Variants in RHOU observed in about 807,000 individuals in gnomAD.
The protein encoded by RHOU is rho-related GTP-binding protein RhoU.
Under a neutral mutation model 12.6 loss-of-function variants are expected in RHOU, and 8 were observed. The observed-to-expected ratio is 0.64, with a 90% confidence interval of 0.37 to 1.15. The LOEUF is 1.15. Among genes scored for constraint, RHOU ranks in the 50% most tolerant of loss-of-function variants. The pLI, the probability that RHOU is intolerant of heterozygous loss-of-function variation, is 0.01. For missense variants in RHOU, 258 were observed against 347.0 expected, an observed-to-expected ratio of 0.74 and a Z score of 2.04; for synonymous variants, 161 against 147.4, an observed-to-expected ratio of 1.09 and a Z score of -0.67.
At chr1:228,657,279 C>CAAAAAAAAAAAAAAAAAAAAAAAGAA in the RHOU span, among the ~76,000 whole-genome samples, 7 of 28,034 alleles carry the variant, frequency 2.5e-4, no homozygotes, top group African/African-American at 8.6e-4. Context: ...AACTCCATCT[C>CAAAAAAAAAAAAAAAAAAAAAAAGAA]AAAAAAAAAA....
At chr1:228,697,445 G>A in the RHOU span, among the ~76,000 whole-genome samples, 2 of 152,220 alleles carry the variant, frequency 1.3e-5, no homozygotes, top group Non-Finnish European at 1.5e-5. Context: ...AGCGTTTCCA[G>A]CATCTGCTTG....
At chr1:228,646,826 A>T in the RHOU span, among the ~76,000 whole-genome samples, 2 of 152,072 alleles carry the variant, frequency 1.3e-5, no homozygotes, top group East Asian at 2.0e-4. Context: ...ACGGTGAAAC[A>T]CAGACACACA....
the RHOU span, among the ~76,000 whole-genome samples, chr1:228,659,840 C>T: frequency 4.0e-5 from 6 of 148,812 alleles, no homozygotes; most frequent in African/African-American, 9.9e-5. Flanking sequence ...AAAACGTAGC[C>T]GGGTGTGGTG....
the RHOU span, among the ~76,000 whole-genome samples, chr1:228,680,295 G>C: frequency 1.2e-4 from 18 of 152,134 alleles, no homozygotes; most frequent in African/African-American, 4.3e-4. Flanking sequence ...AATGTGAGTC[G>C]GACAGTCTGA....
the RHOU span, among the ~76,000 whole-genome samples, chr1:228,693,053 C>T: frequency 6.6e-6 from 1 of 152,070 alleles, no homozygotes; most frequent in East Asian, 1.9e-4. Context: ...CAACAAGGGC[C>T]TTTTCAAAGG....
the RHOU span, among the ~76,000 whole-genome samples, chr1:228,674,420 C>G: frequency 6.7e-6 from 1 of 149,790 alleles, no homozygotes; most frequent in Non-Finnish European, 1.5e-5. Flanking sequence ...AATTTCGGCT[C>G]ACTGCAACCT....
chr1:228,655,070 A>C, the RHOU span, among the ~76,000 whole-genome samples: 1 of 151,276 alleles, frequency 6.6e-6, no homozygotes. Context: ...CAAAATCATT[A>C]TGTAAACTGG....
At chr1:228,694,047 G>GT in the RHOU span, among the ~76,000 whole-genome samples, 6 of 151,872 alleles carry the variant, frequency 4.0e-5, no homozygotes, top group South Asian at 2.1e-4. Context: ...GCAGTTCAGT[G>GT]TTTTTTTTCC....
rs1662825210 is a variant in RHOU at position 228,745,897 on chromosome 1, AAG to A, written c.*2159_*2160del. 6.6e-6 allele frequency: 1 copy of A among 152,256 alleles called. No individual in the cohort carries two copies. The highest frequency in any genetic ancestry group is 1.5e-5 in the Non-Finnish European group (1 of 68,050). The allele number at this position is 152,256 out of a possible 1,614,324, so 9.4% of individuals were successfully genotyped here. ...TTTTAAGATAGAACACAAAACTTGA[AAG>A]AAGTTTTATGCGTGTGACAGTGTAT... On this transcript the variant is annotated 3_prime_UTR_variant, in exon 3 of 3. Transcript: ENST00000366691.
chr1:228,743,313 GC>G lies in RHOU; in HGVS notation c.351del (p.Tyr118ThrfsTer14). The G allele has an allele frequency of 6.2e-7, 1 of 1,614,152 alleles. No homozygotes were observed. Among genetic ancestry groups the G allele is most frequent in the Non-Finnish European group, 8.5e-7 (1 of 1,180,000 alleles). On this transcript the variant is annotated frameshift_variant, in exon 3 of 3. Coordinates refer to ENST00000366691, the MANE Select transcript of RHOU (RefSeq NM_021205.6). LOFTEE classifies it high-confidence loss of function. This position sits in a 1 kb window ranked among gnomAD's most constrained non-coding sequence, Gnocchi z 5.1. The stretch of plus-strand genomic sequence containing the variant: ...GAATTTGACAAGCTGAGGCCTCTCT[GC>G]TACACCAACACAGACATCTTCCTGC... ...QDEFDKLRPL[C>X]YTNTDIFLLC...
the RHOU span, among the ~76,000 whole-genome samples, chr1:228,664,043 TTCTTA>T: frequency 7.6e-6 from 1 of 130,750 alleles, no homozygotes; most frequent in Non-Finnish European, 1.6e-5. Context: ...TTCTCTTCTT[TTCTTA>T]TCTTCTGTCG....
chr1:228,665,654 C>G, the RHOU span, among the ~76,000 whole-genome samples: 1 of 152,278 alleles, frequency 6.6e-6, no homozygotes, highest in East Asian at 1.9e-4. Flanking sequence ...TGAGAACCTG[C>G]AGTTCTGATG....
chr1:228,648,204 C>T, the RHOU span, among the ~76,000 whole-genome samples: 1 of 152,260 alleles, frequency 6.6e-6, no homozygotes, highest in Non-Finnish European at 1.5e-5. Context: ...TTGCCCGCCG[C>T]CTTGCGCCTT....
chr1:228,728,656 T>C, the RHOU span, among the ~76,000 whole-genome samples: 1 of 152,236 alleles, frequency 6.6e-6, no homozygotes, highest in Non-Finnish European at 1.5e-5. Context: ...TTAATATGAT[T>C]TATATGTTTG....
chr1:228,651,037 C>A, the RHOU span: 7 of 275,216 alleles, frequency 2.5e-5, no homozygotes, highest in South Asian at 3.0e-4. Flanking sequence ...CCTGTTCACC[C>A]ACCATCTGCA....
the RHOU span, among the ~76,000 whole-genome samples, chr1:228,714,009 CT>C: frequency 1.3e-5 from 2 of 152,148 alleles, no homozygotes; most frequent in African/African-American, 4.8e-5. Context: ...GTTTTTTGTA[CT>C]CTCAGAAGAT....
At position 228,735,765 on chromosome 1, in the gene RHOU, C is replaced by T; in HGVS notation, c.23C>T (p.Pro8Leu). The T allele has an allele frequency of 8.3e-7, 1 of 1,210,384 alleles. No homozygotes were observed. The allele number at this position is 1,210,384 out of a possible 1,614,324, so 75.0% of individuals were successfully genotyped here. The change falls in exon 1 of 3, where the codon CCC (proline) becomes CTC (leucine). Residue 8 changes from proline to leucine, a missense_variant. Physicochemically the swap from Pro to Leu is moderately conservative, Grantham distance 98. Transcript: ENST00000366691. The surrounding 1 kb of genome is among the most constrained non-coding windows in gnomAD (Gnocchi z 8.1). ...TCGATGCCCCCGCAGCAGGGGGACC[C>T]CGCGTTCCCCGACCGCTGCGAGGCG... MPPQQGD[P>L]AFPDRCEAPP...
chr1:228,743,784 T>C lies in RHOU; in HGVS notation c.*44T>C. ...AAAGGCTATTTTCAGATGAAATCGA[T>C]ATTAGAAGCTATATTAGCTGAAACA... On this transcript the variant is annotated 3_prime_UTR_variant, in exon 3 of 3. Transcript: ENST00000366691. This position sits in a 1 kb window ranked among gnomAD's most constrained non-coding sequence, Gnocchi z 5.1. The C allele has an allele frequency of 6.5e-7, 1 of 1,529,886 alleles. No homozygotes were observed. Among genetic ancestry groups the C allele is most frequent in the Non-Finnish European group, 8.9e-7 (1 of 1,122,736 alleles). The allele number at this position is 1,529,886 out of a possible 1,614,324, so 94.8% of individuals were successfully genotyped here.
At chr1:228,734,202 T>C (rs951502955), upstream of RHOU, among the ~76,000 whole-genome samples, 58 of 150,976 alleles carry the variant, frequency 3.8e-4, no homozygotes, top group Admixed American at 7.2e-4. Context: ...TTTTTTTTTT[T>C]CAAAATTTAC....
Sources: gnomAD v4.1 joint callset for allele counts (sites outside exome capture counted in the v4.1 genomes callset) on GRCh38, gnomAD v4.1.1 for gene constraint, Gnocchi (gnomAD v3.1) non-coding constraint, MANE v1.5 for transcripts, NCBI Gene and HGNC (gene_info 2026-07-23, HGNC 2026-07-21) for gene names.